Variants in EHHADH observed in about 807,000 individuals in gnomAD.
EHHADH encodes the protein peroxisomal bifunctional enzyme.
Under a neutral mutation model 64.4 loss-of-function variants are expected in EHHADH, and 48 were observed. The observed-to-expected ratio is 0.75, with a 90% CI of 0.59 to 0.95. The LOEUF (loss-of-function observed/expected upper bound fraction) is 0.95, where lower values mean the gene tolerates loss of function less well. Among genes scored for constraint, EHHADH ranks in the 40% least tolerant of loss-of-function variants. EHHADH has a pLI of 0.00. For missense variants in EHHADH, 854 were observed against 876.6 expected (o/e 0.97, Z 0.33); for synonymous variants, 308 against 326.7 (o/e 0.94, Z 0.62).
intron 6 of EHHADH, among the ~76,000 whole-genome samples, chr3:185,202,338 CAAAA>C (rs35411232): frequency 8.7e-5 from 11 of 126,256 alleles, no homozygotes; most frequent in African/African-American, 8.8e-5. Flanking sequence ...AACTCCATAT[CAAAA>C]AAAAAAAAAA....
chr3:185,198,484 G>A (rs1420062176), intron 6 of EHHADH, among the ~76,000 whole-genome samples: 1 of 151,752 alleles, frequency 6.6e-6, no homozygotes, highest in Non-Finnish European at 1.5e-5. Context: ...GCCCTACAAA[G>A]TGCTGCGATT....
chr3:185,242,551 AAAAAC>A (rs1005696111), intron 2 of EHHADH, among the ~76,000 whole-genome samples: 1 of 152,224 alleles, frequency 6.6e-6, no homozygotes, highest in Non-Finnish European at 1.5e-5. Context: ...CAAAGCAAAC[AAAAAC>A]AAAGTGGGGA....
intron 6 of EHHADH, among the ~76,000 whole-genome samples, chr3:185,196,772 C>T (rs73050874): frequency 0.067 from 10,217 of 152,172 alleles, 1,133 homozygotes; most frequent in African/African-American, 0.23. Flanking sequence ...GAGGCCAGTG[C>T]GCAAGGATCA....
At chr3:185,219,976 G>C (rs1000362049) in intron 4 of EHHADH, among the ~76,000 whole-genome samples, 1 of 152,116 alleles carries the variant, frequency 6.6e-6, no homozygotes. Context: ...AAGGAGTAGG[G>C]TAAGAGGTAC....
chr3:185,193,336 G>A lies in EHHADH; in HGVS notation c.1062C>T (p.Ser354=), dbSNP rs369342065. Residue 354 remains serine, a synonymous_variant, in exon 7 of 7, where the codon AGC becomes AGT. Coordinates refer to ENST00000231887, the MANE Select transcript of EHHADH (RefSeq NM_001966.4). ...GTTTTGGTCCTGACCAAGGGTGGCC[G>A]CTCTGTTGCATTTTGGAGGCTTCTT... The part of the protein sequence containing the change: ...LEKEASKMQQ[S]GHPWSGPKPR... 186 of 1,613,742 alleles carry A rather than the reference G, an allele frequency of 1.2e-4. 2 individuals are homozygous for A. The South Asian group carries it at 1.6e-3, about 14-fold the overall frequency.
In EHHADH at chr3:185,204,416, C is replaced by T. The variant is rs752082700; in HGVS notation, c.910G>A (p.Gly304Ser). ...TCCATTCATTACCCCATGGTCTTAC[C>T]AACAACACCAACTGAGGAGACAGGC... ...ARPVSSVGVV[G>S]LGTMGRGIVI... Residue 304 changes from glycine to serine, a missense_variant and splice_region_variant, in exon 6 of 7, where the codon GGC (glycine) becomes AGC (serine). Transcript: ENST00000231887. 6.9e-6 allele frequency: 11 copies of T among 1,597,008 alleles called. No homozygotes were observed. The East Asian group carries it at 2.5e-4, about 36-fold the overall frequency.
intron 4 of EHHADH, among the ~76,000 whole-genome samples, chr3:185,227,247 AC>A (rs1243587053): frequency 5.9e-4 from 90 of 152,322 alleles, no homozygotes; most frequent in African/African-American, 2.0e-3. Flanking sequence ...AATAATATAT[AC>A]CTGGCTGGGC....
chr3:185,229,469 G>C lies in EHHADH; in HGVS notation c.426C>G (p.Leu142=). 2.5e-6 allele frequency: 4 copies of C among 1,570,944 alleles called. No individual in the cohort carries two copies. Among genetic ancestry groups the C allele is most frequent in the Non-Finnish European group, 3.5e-6 (4 of 1,154,852 alleles). Residue 142 remains leucine, a synonymous_variant, in exon 4 of 7, where the codon CTC becomes CTG. Transcript: ENST00000231887. ...GARGTQLLPR[L]TGVPAALDLI... ...AGTCAAGTGCAGCAGGAACTCCAGT[G>C]AGTCTGGGGAGAAGCTGGGTTCCTC...
rs569110651 is a variant in EHHADH, at chr3:185,216,004, C to T, written c.568+2132G>A. Reference sequence around the variant, plus strand: ...TAGTAACACATAATTGTCTAAAGCCCTGAAGTGTTAAAAGGTGAATTACAG... The same window carrying T: ...TAGTAACACATAATTGTCTAAAGCCTTGAAGTGTTAAAAGGTGAATTACAG... On this transcript the variant is annotated intron_variant, in intron 5 of 6. Coordinates refer to ENST00000231887, the MANE Select transcript of EHHADH (RefSeq NM_001966.4). The surrounding 1 kb of genome is among the most constrained non-coding windows in gnomAD (Gnocchi z 5.3). 8.5e-5 allele frequency among the ~76,000 whole-genome samples: 13 copies of T among 152,156 alleles called. No homozygotes were observed. The East Asian group carries it at 2.5e-3, about 29-fold the overall frequency.
At chr3:185,211,156 G>T (rs1186345915) in intron 5 of EHHADH, among the ~76,000 whole-genome samples, 1 of 152,048 alleles carries the variant, frequency 6.6e-6, no homozygotes, top group Non-Finnish European at 1.5e-5. Flanking sequence ...TTCCCCTTTG[G>T]GTGTATAAGT....
At chr3:185,206,815 G>A (rs1296957328) in intron 5 of EHHADH, among the ~76,000 whole-genome samples, 1 of 150,868 alleles carries the variant, frequency 6.6e-6, no homozygotes, top group East Asian at 1.9e-4. Flanking sequence ...GTGACAGAGC[G>A]AGACTCTGTC....
At chr3:185,248,082 A>T (rs541799824) in intron 2 of EHHADH, 6 of 210,592 alleles carry the variant, frequency 2.8e-5, no homozygotes, top group African/African-American at 1.4e-4. Context: ...AGATAGAGAA[A>T]TTGAGGTTCA....
intron 5 of EHHADH, among the ~76,000 whole-genome samples, chr3:185,215,310 T>C (rs1222452638): frequency 2.6e-5 from 4 of 152,046 alleles, no homozygotes; most frequent in Admixed American, 1.3e-4. Context: ...ACCCACAATG[T>C]GGAATACAAG....
At chr3:185,212,413 G>T (rs1303277408) in intron 5 of EHHADH, among the ~76,000 whole-genome samples, 1 of 152,186 alleles carries the variant, frequency 6.6e-6, no homozygotes. Flanking sequence ...CCCAAATTGC[G>T]TTTTAGGTAT....
rs190943300 is a variant in EHHADH, at chr3:185,216,290, A to G, written c.568+1846T>C. 1.1e-3 allele frequency among the ~76,000 whole-genome samples: 175 copies of G among 152,332 alleles called. 1 individual carries two copies. Among genetic ancestry groups the G allele is most frequent in the South Asian group, 2.1e-3 (10 of 4,834 alleles). ...GAAGTAACTTAATTCTCAAATCAGA[A>G]TCTAGGGAAATCACTTAAGGAAAAG... On this transcript the variant is annotated intron_variant, in intron 5 of 6. Transcript: ENST00000231887. This position sits in a 1 kb window ranked among gnomAD's most constrained non-coding sequence, Gnocchi z 5.3.
At chr3:185,247,329 T>C (rs192681145) in intron 2 of EHHADH, among the ~76,000 whole-genome samples, 1 of 152,224 alleles carries the variant, frequency 6.6e-6, no homozygotes, top group African/African-American at 2.4e-5. Flanking sequence ...AAATATCAAG[T>C]TCTTTATCAT....
At position 185,248,448 on chromosome 3, in the gene EHHADH, A is replaced by G. The variant is rs370127523; in HGVS notation, c.144T>C (p.Ile48=). The G allele has an allele frequency of 5.6e-5, 90 of 1,613,968 alleles. No homozygotes were observed. The highest frequency in any genetic ancestry group is 5.0e-5 in the Admixed American group (3 of 59,996). The change falls in exon 2 of 7, where the codon ATT becomes ATC. Residue 48 remains isoleucine, a synonymous_variant. Transcript: ENST00000231887. ...ATTTGCCCTCTGCTCCACAAATCAC[A>G]ATGGCTTTTATTGTATGGTCTATTA... The part of the protein sequence containing the change: ...KAVIDHTIKA[I]VICGAEGKFS...
In EHHADH at chr3:185,204,533, C is replaced by G. The variant is rs1560008921; in HGVS notation, c.793G>C (p.Ala265Pro). The G allele has an allele frequency of 6.2e-7, 1 of 1,614,186 alleles. No homozygotes were observed. The highest frequency in any genetic ancestry group is 8.5e-7 in the Non-Finnish European group (1 of 1,180,032). Reference protein sequence around the residue: ...LFLYLLQSGQARALQYAFFAE... With the variant: ...LFLYLLQSGQPRALQYAFFAE... ...AAGAAAGCATATTGCAGGGCTCTAG[C>G]CTGCCCTGATTGCAAAAGATATAGA... is the stretch of plus-strand genomic sequence containing the variant. The change falls in exon 6 of 7, where the codon GCT (alanine) becomes CCT (proline). Residue 265 changes from alanine (A) to proline (P), a missense_variant. Coordinates refer to ENST00000231887, the MANE Select transcript of EHHADH (RefSeq NM_001966.4).
Position 185,193,129 on chromosome 3 carries a change from ATC to A in EHHADH, c.1267_1268del (p.Asp423SerfsTer44), listed in dbSNP as rs774134720. On this transcript the variant is annotated frameshift_variant, in exon 7 of 7. Coordinates refer to ENST00000231887, the MANE Select transcript of EHHADH (RefSeq NM_001966.4). LOFTEE classifies it high-confidence loss of function. ...LDVDEIASST[D>X]RPHLVIGTHF... Reference sequence around the variant, plus strand: ...GGGTGCCAATGACCAAGTGAGGACGATCAGTGGAAGAAGCAATCTCATCAACA... The same window carrying A: ...GGGTGCCAATGACCAAGTGAGGACGAAGTGGAAGAAGCAATCTCATCAACA... The A allele has an allele frequency of 6.2e-7, 1 of 1,613,382 alleles. No individual in the cohort carries two copies. Among genetic ancestry groups the A allele is most frequent in the African/African-American group, 1.3e-5 (1 of 75,034 alleles).
Sources: gnomAD v4.1 joint callset for allele counts (sites outside exome capture counted in the v4.1 genomes callset) on GRCh38, gnomAD v4.1.1 for gene constraint, Gnocchi (gnomAD v3.1) non-coding constraint, MANE v1.5 for transcripts, NCBI Gene and HGNC (gene_info 2026-07-23, HGNC 2026-07-21) for gene names.